The following WWP2 variants were observed in gnomAD, a reference collection of about 807,000 sequenced individuals.
WWP2 encodes WW domain containing E3 ubiquitin protein ligase 2, also known as NEDD4-like E3 ubiquitin-protein ligase WWP2.
A neutral mutation model predicts 121.0 loss-of-function variants in WWP2; 57 were observed. The ratio of observed to expected loss-of-function variants is 0.47; its 90% CI spans 0.38 to 0.59. The LOEUF is 0.59. Among genes scored for constraint, WWP2 ranks in the 20% least tolerant of loss-of-function variants. WWP2 has a pLI of 0.00. For missense variants in WWP2, 962 were observed against 1,158.9 expected (o/e 0.83, Z 2.47); for synonymous variants, 449 against 441.3 (o/e 1.02, Z -0.22).
rs903185902 is a variant in WWP2, at chr16:69,937,318, A to G, written c.2238+80A>G. The G allele has an allele frequency of 3.1e-5, 49 of 1,570,052 alleles. No homozygotes were observed. Among genetic ancestry groups the G allele is most frequent in the Non-Finnish European group, 4.2e-5 (49 of 1,157,702 alleles). ...TCTGTGATACGCTCACTGTGTACCC[A>G]CAGACACTCAGCGTAAAACTCCCAC... On this transcript the variant is annotated intron_variant, in intron 20 of 23. Coordinates refer to ENST00000359154, the MANE Select transcript of WWP2 (RefSeq NM_001270454.2). This position sits in a 1 kb window ranked among gnomAD's most constrained non-coding sequence, Gnocchi z 6.6.
At chr16:69,845,388 T>A (rs942521436) in intron 6 of WWP2, among the ~76,000 whole-genome samples, 1 of 152,130 alleles carries the variant, frequency 6.6e-6, no homozygotes, top group African/African-American at 2.4e-5. Context: ...ACCTTTGGGA[T>A]CAAGGGCAGT....
rs1488787852 is a variant in WWP2, at chr16:69,925,950, A to G, written c.1234+466A>G. ...GAGGACTTTGGTCTAATTTTGACTA[A>G]TAGAAGCCACCTTTTTATTTCTGAC... On this transcript the variant is annotated intron_variant, in intron 11 of 23. Transcript: ENST00000359154. The surrounding 1 kb of genome is among the most constrained non-coding windows in gnomAD (Gnocchi z 4.0). 3.2e-5 allele frequency: 5 copies of G among 154,818 alleles called. No individual in the cohort carries two copies. The highest frequency in any genetic ancestry group is 2.0e-4 in the Admixed American group (3 of 15,352). The allele number at this position is 154,818 out of a possible 1,614,324, so 9.6% of individuals were successfully genotyped here.
At chr16:69,914,615 C>T (rs1187290398) in intron 9 of WWP2, among the ~76,000 whole-genome samples, 1 of 151,854 alleles carries the variant, frequency 6.6e-6, no homozygotes, top group Non-Finnish European at 1.5e-5. Flanking sequence ...AAATTGGCCC[C>T]GCATGGTGGT....
intron 6 of WWP2, 50 bp from the exon 7 acceptor site, chr16:69,871,754 T>C (rs1660753115): frequency 6.2e-7 from 1 of 1,608,060 alleles, no homozygotes; most frequent in African/African-American, 1.3e-5. Context: ...AACACTTCTG[T>C]CCTTTTCACA....
intron 6 of WWP2, among the ~76,000 whole-genome samples, chr16:69,848,372 T>C (rs1226385536): frequency 6.6e-6 from 1 of 151,676 alleles, no homozygotes; most frequent in Non-Finnish European, 1.5e-5. Flanking sequence ...ATCACTTGAA[T>C]CTGGGAAGTG....
intron 7 of WWP2, among the ~76,000 whole-genome samples, chr16:69,880,566 A>G (rs2057809182): frequency 1.3e-5 from 2 of 152,352 alleles, no homozygotes; most frequent in South Asian, 4.1e-4. Context: ...ATCAGGTAAC[A>G]CAGTATGGCT....
intron 4 of WWP2, among the ~76,000 whole-genome samples, chr16:69,839,281 G>T (rs2056932251): frequency 6.6e-6 from 1 of 152,200 alleles, no homozygotes; most frequent in Non-Finnish European, 1.5e-5. Flanking sequence ...CTGAACTGAA[G>T]GCCATAGCTC....
At position 69,838,675 on chromosome 16, in the gene WWP2, A is replaced by G. The variant is rs550923070; in HGVS notation, c.341-1451A>G. 70 of 973,468 alleles carry G rather than the reference A, an allele frequency of 7.2e-5. 1 individual carries two copies. In the South Asian group the frequency reaches 3.0e-3, roughly 42 times the overall value. 60.3% of individuals were successfully genotyped at this position (973,468 alleles called of 1,614,324 possible). On this transcript the variant is annotated intron_variant, in intron 4 of 23. Transcript: ENST00000359154. ...AGGTGGCTGGGGGTTGAAAGGCCTC[A>G]GTTCCTTCCCATACTCCTTGGCTTT...
At chr16:69,930,805 G>A (rs753232017) in intron 13 of WWP2, among the ~76,000 whole-genome samples, 8 of 152,184 alleles carry the variant, frequency 5.3e-5, no homozygotes, top group Non-Finnish European at 1.2e-4. Flanking sequence ...CCAGGAATTC[G>A]AGGCCGCAGT....
At chr16:69,834,496 T>C (rs28564377) in intron 4 of WWP2, among the ~76,000 whole-genome samples, 1 of 151,148 alleles carries the variant, frequency 6.6e-6, no homozygotes, top group African/African-American at 2.4e-5. Flanking sequence ...CCTTCTTTTT[T>C]AAATTTTTTT....
intron 7 of WWP2, among the ~76,000 whole-genome samples, 157 bp downstream of exon 7, chr16:69,872,088 A>G (rs2057650671): frequency 1.3e-5 from 2 of 152,050 alleles, no homozygotes; most frequent in African/African-American, 4.8e-5. Flanking sequence ...CTTTCTACTG[A>G]CCCATCTTCT....
intron 7 of WWP2, 120 bp from the exon 8 acceptor site, chr16:69,887,919 C>A: frequency 8.2e-7 from 1 of 1,225,768 alleles, no homozygotes. Context: ...TTGCTGTCGC[C>A]CAATACATGT....
chr16:69,795,525 A>G (rs2056014946), intron 2 of WWP2, among the ~76,000 whole-genome samples: 1 of 152,062 alleles, frequency 6.6e-6, no homozygotes, highest in Admixed American at 6.6e-5. Context: ...TCTCTTGGGT[A>G]GTGATGCTAT....
chr16:69,931,135 A>G lies in WWP2; in HGVS notation c.1446-17A>G, dbSNP rs769308303. On this transcript the variant is annotated splice_polypyrimidine_tract_variant and intron_variant, in intron 13 of 23. Transcript: ENST00000359154. ...TGAGAAATCGCATGAACCCCTGAAC[A>G]TCTTTGCTCTTCCTAGGACGAAGCA... 2 of 1,612,820 alleles carry G rather than the reference A, an allele frequency of 1.2e-6. No individual in the cohort carries two copies. Among genetic ancestry groups the G allele is most frequent in the South Asian group, 2.2e-5 (2 of 91,032 alleles).
intron 4 of WWP2, among the ~76,000 whole-genome samples, chr16:69,814,087 G>T (rs1323291901): frequency 6.6e-6 from 1 of 152,138 alleles, no homozygotes; most frequent in Non-Finnish European, 1.5e-5. Flanking sequence ...GGACACACTT[G>T]TTTGAGAACC....
chr16:69,793,826 A>G (rs891306748), intron 2 of WWP2, among the ~76,000 whole-genome samples: 6 of 151,518 alleles, frequency 4.0e-5, no homozygotes, highest in African/African-American at 9.7e-5. Context: ...TTAGAATTCA[A>G]GCCCCTCCCA....
Position 69,765,381 on chromosome 16 carries a change from C to A in WWP2, c.-16+2990C>A, listed in dbSNP as rs2038705533. Among the ~76,000 whole-genome samples, 4 of 152,128 alleles carry A rather than the reference C, an allele frequency of 2.6e-5. No individual in the cohort carries two copies. In the South Asian group the frequency reaches 8.3e-4, roughly 32 times the overall value. On this transcript the variant is annotated intron_variant, in intron 1 of 23. Coordinates refer to ENST00000359154, the MANE Select transcript of WWP2 (RefSeq NM_001270454.2). The stretch of plus-strand genomic sequence containing the variant: ...CTTATTTCTATTGGACAAACCTGTT[C>A]TGAATGCCAGGAATATAGCAGTACA...
chr16:69,859,799 C>T (rs778713844), intron 6 of WWP2, among the ~76,000 whole-genome samples: 1 of 151,988 alleles, frequency 6.6e-6, no homozygotes, highest in Non-Finnish European at 1.5e-5. Flanking sequence ...CTCCTGCCAC[C>T]TGCTGGAGAA....
intron 7 of WWP2, 134 bp from the exon 8 acceptor site, chr16:69,887,905 C>T: frequency 9.5e-7 from 1 of 1,053,772 alleles, no homozygotes; most frequent in Admixed American, 2.8e-5. Context: ...TTTTGTAAAA[C>T]TTTTTGCTGT....
Sources: allele counts gnomAD v4.1 joint callset (sites outside exome capture counted in the v4.1 genomes callset), GRCh38; gene constraint gnomAD v4.1.1; non-coding constraint Gnocchi (gnomAD v3.1); transcripts MANE v1.5; gene names NCBI Gene and HGNC (gene_info 2026-07-23, HGNC 2026-07-21).